SHOC1: variants seen among roughly 807,000 people sequenced by gnomAD.
SHOC1 encodes the protein shortage in chiasmata 1, also known as protein shortage in chiasmata 1 ortholog.
Under a neutral mutation model 179.2 loss-of-function variants are expected in SHOC1, and 136 were observed. That is an observed-to-expected ratio of 0.76 (90% CI 0.66 to 0.87). The LOEUF (loss-of-function observed/expected upper bound fraction) is 0.87. Ranked by LOEUF, SHOC1 falls within the 40% of genes least tolerant of loss-of-function variation. The pLI is 0.00. For synonymous variants in SHOC1, 489 were observed against 586.6 expected (o/e 0.83, Z 2.41); for missense variants, 1,538 against 1,700.8 (o/e 0.90, Z 1.68).
At chr9:111,716,718 C>T (rs1297135944) in intron 16 of SHOC1, among the ~76,000 whole-genome samples, 1 of 152,116 alleles carries the variant, frequency 6.6e-6, no homozygotes, top group African/African-American at 2.4e-5. Flanking sequence ...TAATCCAAGG[C>T]TTTGGTAAGT....
At chr9:111,698,670 G>GAGGTAGC (rs1831821551) in intron 24 of SHOC1, among the ~76,000 whole-genome samples, 1 of 152,082 alleles carries the variant, frequency 6.6e-6, no homozygotes, top group Non-Finnish European at 1.5e-5. Flanking sequence ...GTTTGAACTG[G>GAGGTAGC]GCAGTGAAAG....
At chr9:111,792,780 A>C (rs1278011732) in intron 1 of SHOC1, among the ~76,000 whole-genome samples, 1 of 151,738 alleles carries the variant, frequency 6.6e-6, no homozygotes, top group Non-Finnish European at 1.5e-5. Context: ...ACCCTCTTTC[A>C]CTCTTAAACA....
intron 13 of SHOC1, among the ~76,000 whole-genome samples, chr9:111,726,963 A>G (rs1337583): frequency 0.8 from 121,714 of 152,084 alleles, 48,878 homozygotes; most frequent in East Asian, 0.92. Flanking sequence ...AGTTTCCAAT[A>G]TCCCTAGTCA....
At chr9:111,786,243 G>A (rs1836254164) in intron 2 of SHOC1, among the ~76,000 whole-genome samples, 1 of 152,106 alleles carries the variant, frequency 6.6e-6, no homozygotes, top group Admixed American at 6.5e-5. Flanking sequence ...AGACCATCTG[G>A]CTAACACGGT....
chr9:111,713,442 T>C (rs560513046), intron 17 of SHOC1, among the ~76,000 whole-genome samples: 11 of 152,322 alleles, frequency 7.2e-5, no homozygotes, highest in South Asian at 4.1e-4. Context: ...AATACATAGG[T>C]TGTCTCTGTT....
chr9:111,738,979 C>G (rs1257348678), intron 11 of SHOC1, among the ~76,000 whole-genome samples: 2 of 152,064 alleles, frequency 1.3e-5, no homozygotes, highest in African/African-American at 2.4e-5. Flanking sequence ...CTTACTGCCT[C>G]ATTACTTTCT....
rs1388309222 is a variant in SHOC1, at chr9:111,692,279, A to G, written c.3698T>C (p.Ile1233Thr). The change falls in exon 27 of 28, where the codon ATT becomes ACT. Residue 1233 changes from isoleucine (I) to threonine (T), a missense_variant. Transcript: ENST00000682961. ...ACTTGAGATTTCTTTTAGTTCCATA[A>G]TGGAAGAGTTGTCATTCAAAATGGT... ...KTTILNDNSS[I>T]MELKEISSFL... is the part of the protein sequence containing the mutation. The G allele has an allele frequency of 6.2e-7, 1 of 1,613,428 alleles. No homozygotes were observed. Among genetic ancestry groups the G allele is most frequent in the African/African-American group, 1.3e-5 (1 of 74,914 alleles).
intron 8 of SHOC1, 37 bp from the exon 9 acceptor site, chr9:111,748,236 C>A (rs1221306135): frequency 4.3e-6 from 6 of 1,406,404 alleles, no homozygotes; most frequent in Non-Finnish European, 6.0e-6. Flanking sequence ...GCAAATGTAC[C>A]ATTAAATTAA....
intron 23 of SHOC1, among the ~76,000 whole-genome samples, 199 bp downstream of exon 23, chr9:111,701,906 T>C (rs943932012): frequency 6.6e-6 from 1 of 152,082 alleles, no homozygotes; most frequent in Non-Finnish European, 1.5e-5. Context: ...GGGGATGGCT[T>C]TCACAGAATG....
intron 5 of SHOC1, among the ~76,000 whole-genome samples, chr9:111,774,978 T>C (rs1001818984): frequency 2.6e-5 from 4 of 152,050 alleles, no homozygotes; most frequent in Non-Finnish European, 4.4e-5. Context: ...GGAATCCAGT[T>C]TGAATAAAAT....
chr9:111,705,196 C>CACACACACAT (rs151310646), intron 21 of SHOC1, 51 bp downstream of exon 21: 6 of 681,288 alleles, frequency 8.8e-6, no homozygotes, highest in East Asian at 2.9e-5. Flanking sequence ...CACACACACA[C>CACACACACAT]ATATATATAT....
rs1832699722 is a variant in SHOC1, at chr9:111,714,519, G to C, written c.2341C>G (p.Pro781Ala). 1.2e-6 allele frequency: 2 copies of C among 1,613,880 alleles called. No individual in the cohort carries two copies. The highest frequency in any genetic ancestry group is 3.3e-5 in the Admixed American group (2 of 60,006). Residue 781 changes from proline to alanine, a missense_variant, in exon 17 of 28, where the codon CCT (proline) becomes GCT (alanine). Physicochemically the swap from Pro to Ala is conservative, Grantham distance 27. Transcript: ENST00000682961. ...EIVQFIRGKK[P>A]ETNYKIQELQ... is the part of the protein sequence containing the mutation. ...TCTTGTATCTTGTAGTTGGTTTCAGGCTTTTTCCCCCTAATAAACTGTACA... is the reference window on the plus strand; with the variant it reads ...TCTTGTATCTTGTAGTTGGTTTCAGCCTTTTTCCCCCTAATAAACTGTACA...
intron 18 of SHOC1, among the ~76,000 whole-genome samples, chr9:111,711,554 G>A (rs1362571565): frequency 6.6e-6 from 1 of 152,032 alleles, no homozygotes; most frequent in Non-Finnish European, 1.5e-5. Flanking sequence ...AAGTGTCTGC[G>A]AGCCTAATCT....
Position 111,750,395 on chromosome 9 carries a change from C to A in SHOC1, c.863-2196G>T, listed in dbSNP as rs112148974. On this transcript the variant is annotated intron_variant, in intron 8 of 27. Transcript: ENST00000682961. Reference sequence around the variant, plus strand: ...ACCCAGGCTGGATGGAGTGCAATGGCGTGGTCTTAGCTCACTGCAACCTCT... The same window carrying A: ...ACCCAGGCTGGATGGAGTGCAATGGAGTGGTCTTAGCTCACTGCAACCTCT... 3.5e-3 allele frequency among the ~76,000 whole-genome samples: 526 copies of A among 152,110 alleles called. 2 individuals are homozygous for A. Among genetic ancestry groups the A allele is most frequent in the African/African-American group, 0.012 (491 of 41,518 alleles).
chr9:111,761,922 T>C (rs1313543859), intron 5 of SHOC1, among the ~76,000 whole-genome samples: 1 of 152,200 alleles, frequency 6.6e-6, no homozygotes, highest in African/African-American at 2.4e-5. Flanking sequence ...ATGATGATAA[T>C]ACTGGCATAA....
At chr9:111,776,546 C>T (rs1835841210) in intron 4 of SHOC1, among the ~76,000 whole-genome samples, 1 of 152,126 alleles carries the variant, frequency 6.6e-6, no homozygotes, top group Non-Finnish European at 1.5e-5. Flanking sequence ...TGTTCTGTTC[C>T]GTAACCTGGG....
At chr9:111,764,061 T>A (rs1835253530) in intron 5 of SHOC1, among the ~76,000 whole-genome samples, 2 of 152,220 alleles carry the variant, frequency 1.3e-5, no homozygotes, top group South Asian at 4.1e-4. Context: ...AATTTATGCC[T>A]TAAATTGCAC....
intron 5 of SHOC1, among the ~76,000 whole-genome samples, chr9:111,774,209 C>T (rs1423843143): frequency 6.6e-6 from 1 of 151,506 alleles, no homozygotes; most frequent in Non-Finnish European, 1.5e-5. Flanking sequence ...TAGTTTATCC[C>T]CACAAAAAAT....
intron 2 of SHOC1, among the ~76,000 whole-genome samples, chr9:111,786,503 A>ATT (rs34413616): frequency 0.018 from 1,948 of 110,150 alleles, 50 homozygotes; most frequent in African/African-American, 0.028. Flanking sequence ...TGCTCTGCAG[A>ATT]TTTTTTTTTT....
Sources: gnomAD v4.1 joint callset for allele counts (sites outside exome capture counted in the v4.1 genomes callset) on GRCh38, gnomAD v4.1.1 for gene constraint, MANE v1.5 for transcripts, NCBI Gene and HGNC (gene_info 2026-07-23, HGNC 2026-07-21) for gene names.